Variants in PFKL observed in about 807,000 individuals in gnomAD.
PFKL encodes phosphofructokinase, liver type.
PFKL carries 74 observed loss-of-function variants against 92.1 expected under a neutral mutation model. That is an observed-to-expected ratio of 0.80 (90% CI 0.67 to 0.97). PFKL has a LOEUF of 0.97. PFKL is among the 50% of genes least tolerant of loss of function. The pLI, the probability that PFKL is intolerant of heterozygous loss-of-function variation, is 0.00. For synonymous variants in PFKL, 494 were observed against 456.4 expected (o/e 1.08, Z -1.05); for missense variants, 1,028 against 1,116.6 (o/e 0.92, Z 1.13).
At chr21:44,300,656 C>T (rs981280968) in intron 1 of PFKL, among the ~76,000 whole-genome samples, 4 of 152,248 alleles carry the variant, frequency 2.6e-5, no homozygotes, top group Non-Finnish European at 5.9e-5. Context: ...CCGGACCGCG[C>T]CTCCTCCTCG....
At chr21:44,301,950 G>A (rs1251304478) in intron 1 of PFKL, among the ~76,000 whole-genome samples, 1 of 152,236 alleles carries the variant, frequency 6.6e-6, no homozygotes, top group Non-Finnish European at 1.5e-5. Flanking sequence ...AGCCTGGCAG[G>A]TGGTTCTTGG....
intron 2 of PFKL, among the ~76,000 whole-genome samples, chr21:44,310,574 G>C (rs912222800): frequency 6.6e-6 from 1 of 152,174 alleles, no homozygotes; most frequent in Non-Finnish European, 1.5e-5. Context: ...TGCCTGGGAG[G>C]ACTCCAGTGG....
chr21:44,306,742 C>T lies in PFKL; in HGVS notation c.147C>T (p.Phe49=), dbSNP rs777605543. The change falls in exon 2 of 22, where the codon TTC becomes TTT. Residue 49 remains phenylalanine, a synonymous_variant. Coordinates refer to ENST00000349048, the MANE Select transcript of PFKL (RefSeq NM_002626.6). ...RMGIYVGAKV[F]LIYEGYEGLV... Reference sequence around the variant, plus strand: ...GCATTTATGTGGGTGCCAAAGTCTTCCTCATCTACGAGGTAAGGCCAAGGT... The same window carrying T: ...GCATTTATGTGGGTGCCAAAGTCTTTCTCATCTACGAGGTAAGGCCAAGGT... 6 of 1,613,818 alleles carry T rather than the reference C, an allele frequency of 3.7e-6. No individual in the cohort carries two copies. In the Admixed American group the frequency reaches 8.3e-5, roughly 22 times the overall value.
intron 1 of PFKL, among the ~76,000 whole-genome samples, chr21:44,301,799 C>T (rs1373957956): frequency 1.3e-5 from 2 of 152,162 alleles, no homozygotes; most frequent in African/African-American, 4.8e-5. Context: ...AACCAGCTTC[C>T]TTGTTTGCAA....
chr21:44,305,452 T>C, intron 1 of PFKL: 2 of 595,722 alleles, frequency 3.4e-6, no homozygotes, highest in Non-Finnish European at 5.0e-6. Flanking sequence ...TACAGGGGGG[T>C]GGGAGGGCAG....
chr21:44,319,619 C>A, intron 11 of PFKL: 1 of 596,620 alleles, frequency 1.7e-6, no homozygotes, highest in Non-Finnish European at 3.0e-6. Flanking sequence ...GGCGGTGGCA[C>A]GGGCAGGGCC....
chr21:44,324,173 C>T (rs913982027), intron 16 of PFKL, among the ~76,000 whole-genome samples: 13 of 152,220 alleles, frequency 8.5e-5, no homozygotes, highest in Admixed American at 4.6e-4. Flanking sequence ...AATGTCCCTG[C>T]GCCCCAGTGC....
Position 44,313,657 on chromosome 21 carries a change from C to T in PFKL, c.613C>T (p.Leu205=). 1 of 1,612,366 alleles carries T rather than the reference C, an allele frequency of 6.2e-7. No homozygotes were observed. ...TAQSHQRTFV[L]EVMGRHCGYL... is the part of the protein sequence containing the mutation. The stretch of plus-strand genomic sequence containing the variant: ...CCACAGCCACCAGAGGACCTTCGTG[C>T]TGGAAGTGATGGGCCGGCACTGCGG... Residue 205 remains leucine (L), a synonymous_variant, in exon 6 of 22, where the codon CTG becomes TTG. Coordinates refer to ENST00000349048, the MANE Select transcript of PFKL (RefSeq NM_002626.6).
In PFKL at chr21:44,300,163, G is replaced by A; in HGVS notation, c.58G>A (p.Val20Ile). 2 of 1,175,444 alleles carry A rather than the reference G, an allele frequency of 1.7e-6. No individual in the cohort carries two copies. Among genetic ancestry groups the A allele is most frequent in the Non-Finnish European group, 1.1e-6 (1 of 940,512 alleles). The allele number at this position is 1,175,444 out of a possible 1,614,324, so 72.8% of individuals were successfully genotyped here. ...RASGAGKAIGVLTSGGDAQGM... is the reference protein window; with the variant it reads ...RASGAGKAIGILTSGGDAQGM... ...GTCGGGCGCGGGCAAGGCCATCGGC[G>A]TCCTGACCAGCGGCGGCGACGCGCA... is the stretch of plus-strand genomic sequence containing the variant. The change falls in exon 1 of 22, where the codon GTC (valine) becomes ATC (isoleucine). Residue 20 changes from valine to isoleucine, a missense_variant. Val to Ile is a conservative substitution (Grantham distance 29). Transcript: ENST00000349048.
chr21:44,322,921 C>T, intron 14 of PFKL, 41 bp from the exon 15 acceptor site: 3 of 1,472,428 alleles, frequency 2.0e-6, no homozygotes, highest in Non-Finnish European at 2.8e-6. Flanking sequence ...ACACGCGTCC[C>T]CGGGTGCTGC....
chr21:44,318,343 C>T, intron 9 of PFKL, 127 bp from the exon 10 acceptor site: 1 of 1,029,658 alleles, frequency 9.7e-7, no homozygotes, highest in South Asian at 2.5e-5. Flanking sequence ...CTGATGCCAC[C>T]TGTTCTGGAA....
chr21:44,306,631 G>T, intron 1 of PFKL, 50 bp from the exon 2 acceptor site: 1 of 1,521,520 alleles, frequency 6.6e-7, no homozygotes, highest in Non-Finnish European at 9.0e-7. Flanking sequence ...AGGGTGTCCA[G>T]GGCCTTGCTT....
chr21:44,323,678 C>T (rs535977159), intron 15 of PFKL, 88 bp from the exon 16 acceptor site: 3 of 1,395,742 alleles, frequency 2.1e-6, no homozygotes, highest in African/African-American at 2.8e-5. Context: ...CAGCAGGGAG[C>T]AGGGCTGGGC....
chr21:44,305,691 A>G, intron 1 of PFKL: 3 of 1,133,172 alleles, frequency 2.6e-6, no homozygotes, highest in Non-Finnish European at 1.2e-6. Context: ...CCCCTTTTGT[A>G]TGAAGTCATG....
At chr21:44,322,107 C>T in intron 13 of PFKL, 26 bp from the exon 14 acceptor site, 2 of 1,595,346 alleles carry the variant, frequency 1.3e-6, no homozygotes, top group South Asian at 2.2e-5. Flanking sequence ...CAGGCTGGCC[C>T]CTGAAGCTGC....
At chr21:44,312,859 G>A in intron 4 of PFKL, 119 bp from the exon 5 acceptor site, 1 of 1,092,936 alleles carries the variant, frequency 9.1e-7, no homozygotes, top group Non-Finnish European at 1.3e-6. Context: ...TGGAACTCCG[G>A]GGCCCCTGCC....
At chr21:44,308,863 T>G (rs1471659426) in intron 2 of PFKL, among the ~76,000 whole-genome samples, 1 of 152,080 alleles carries the variant, frequency 6.6e-6, no homozygotes, top group Admixed American at 6.5e-5. Context: ...TGCACGGCCA[T>G]GAATGGTTTT....
intron 1 of PFKL, 95 bp from the exon 2 acceptor site, chr21:44,306,586 C>G: frequency 9.2e-7 from 1 of 1,085,128 alleles, no homozygotes; most frequent in Non-Finnish European, 1.4e-6. Flanking sequence ...ACAGGGTGTC[C>G]AGGCCTCCCC....
chr21:44,305,146 G>T (rs1185161607), intron 1 of PFKL: 3 of 942,938 alleles, frequency 3.2e-6, no homozygotes, highest in African/African-American at 3.4e-5. Flanking sequence ...GGCTCTGGAA[G>T]GTCCCTCACC....
Sources: gnomAD v4.1 joint callset for allele counts (sites outside exome capture counted in the v4.1 genomes callset) on GRCh38, gnomAD v4.1.1 for gene constraint, MANE v1.5 for transcripts, NCBI Gene and HGNC (gene_info 2026-07-23, HGNC 2026-07-21) for gene names.